RASSF4: variants seen among roughly 807,000 people sequenced by gnomAD.
RASSF4 encodes Ras association domain family member 4.
Under a neutral mutation model 41.1 loss-of-function variants are expected in RASSF4, and 38 were observed. That is an observed-to-expected ratio of 0.92 (90% confidence interval 0.71 to 1.21). RASSF4 has a LOEUF of 1.21. Among genes scored for constraint, RASSF4 ranks in the 50% most tolerant of loss-of-function variants. The pLI is 0.00. For missense variants in RASSF4, 414 were observed against 419.4 expected, an observed-to-expected ratio of 0.99 and a Z score of 0.11; for synonymous variants, 179 against 163.4, an observed-to-expected ratio of 1.10 and a Z score of -0.73.
At chr10:44,983,382 G>A in intron 4 of RASSF4, 1 of 190,496 alleles carries the variant, frequency 5.2e-6, no homozygotes, top group Non-Finnish European at 1.1e-5. Flanking sequence ...CACAGAATTA[G>A]AGCATAAAGT....
chr10:44,971,262 G>T, intron 2 of RASSF4: 1 of 352,172 alleles, frequency 2.8e-6, no homozygotes, highest in Non-Finnish European at 5.6e-6. Flanking sequence ...GCAGACTTCA[G>T]GGCCTTACTC....
Position 44,970,055 on chromosome 10 carries a change from G to A in RASSF4, c.-38-110G>A, listed in dbSNP as rs113039412. The A allele has an allele frequency of 3.1e-3, 2,154 of 698,148 alleles. 29 individuals are homozygous for A. The African/African-American group carries it at 0.031, about 10-fold the overall frequency. The allele number at this position is 698,148 out of a possible 1,614,324, so 43.2% of individuals were successfully genotyped here. A position where few individuals can be genotyped will look rare whatever the true frequency, so the allele number is the denominator to read the frequency against. On this transcript the variant is annotated intron_variant, in intron 1 of 10. Transcript: ENST00000340258. ...GCCGCAGCCACCTTGTGCCAAGGCGGTGTGATGCCAAGGCCGACGGTGTCT... is the reference window on the plus strand; with the variant it reads ...GCCGCAGCCACCTTGTGCCAAGGCGATGTGATGCCAAGGCCGACGGTGTCT...
At chr10:44,974,678 G>C (rs887617933) in intron 3 of RASSF4, among the ~76,000 whole-genome samples, 1 of 152,096 alleles carries the variant, frequency 6.6e-6, no homozygotes, top group African/African-American at 2.4e-5. Context: ...TAGCAGTACG[G>C]TTTGGGGTGC....
chr10:44,991,506 T>C (rs1260295437), intron 9 of RASSF4, among the ~76,000 whole-genome samples: 1 of 152,198 alleles, frequency 6.6e-6, no homozygotes, highest in African/African-American at 2.4e-5. Context: ...GCATAGAAGA[T>C]GCTTACAGGG....
At chr10:44,960,739 G>T (rs554357524) in intron 1 of RASSF4, among the ~76,000 whole-genome samples, 8 of 152,188 alleles carry the variant, frequency 5.3e-5, no homozygotes, top group African/African-American at 1.9e-4. Context: ...AAATAAGGTC[G>T]CACAGCAAAT....
intron 3 of RASSF4, among the ~76,000 whole-genome samples, chr10:44,972,243 AC>A (rs1291784835): frequency 1.3e-5 from 2 of 152,026 alleles, no homozygotes; most frequent in Non-Finnish European, 2.9e-5. Flanking sequence ...TGGTCCCGCC[AC>A]ATATCTGCAG....
At chr10:44,984,538 G>A in intron 5 of RASSF4, 1 of 539,612 alleles carries the variant, frequency 1.9e-6, no homozygotes, top group East Asian at 3.0e-5. Flanking sequence ...CAGAAGACAG[G>A]GCTGGGGCCA....
chr10:44,991,273 A>T, intron 9 of RASSF4: 1 of 446,266 alleles, frequency 2.2e-6, no homozygotes, highest in Non-Finnish European at 4.0e-6. Flanking sequence ...AGCTTAGGGG[A>T]AAGAAGAATT....
In RASSF4 at chr10:44,967,189, C is replaced by T. The variant is rs181339480; in HGVS notation, c.-38-2976C>T. 1.4e-3 allele frequency among the ~76,000 whole-genome samples: 211 copies of T among 152,250 alleles called. 1 individual carries two copies. The highest frequency in any genetic ancestry group is 2.4e-3 in the Non-Finnish European group (166 of 68,028). ...TTCTGGTCCACAGTCACTCAGGGACCCAGGCTGACCATCGAGTAGCTGCAC... is the reference window on the plus strand; with the variant it reads ...TTCTGGTCCACAGTCACTCAGGGACTCAGGCTGACCATCGAGTAGCTGCAC... On this transcript the variant is annotated intron_variant, in intron 1 of 10. Coordinates refer to ENST00000340258, the MANE Select transcript of RASSF4 (RefSeq NM_032023.4).
At chr10:44,992,101 G>GTGCCCATGGA in intron 10 of RASSF4, 99 bp downstream of exon 10, 2 of 737,328 alleles carry the variant, frequency 2.7e-6, no homozygotes, top group Non-Finnish European at 4.7e-6. Flanking sequence ...CTCCTCCATG[G>GTGCCCATGGA]GCACCAGTAC....
chr10:44,972,388 C>G (rs1423409132), intron 3 of RASSF4, among the ~76,000 whole-genome samples: 2 of 152,234 alleles, frequency 1.3e-5, no homozygotes, highest in Non-Finnish European at 2.9e-5. Context: ...CTCAAGGAGT[C>G]AGCCGCCCAT....
intron 3 of RASSF4, among the ~76,000 whole-genome samples, chr10:44,972,500 T>G (rs883735): frequency 0.51 from 77,098 of 152,166 alleles, 21,918 homozygotes; most frequent in Non-Finnish European, 0.64. Context: ...TCATGAGGAA[T>G]TTCCCAAATC....
At chr10:44,989,523 GAT>G (rs1842034778) in intron 7 of RASSF4, 145 bp from the exon 8 acceptor site, 1 of 971,284 alleles carries the variant, frequency 1.0e-6, no homozygotes, top group Non-Finnish European at 1.6e-6. Context: ...TGGTTTCTCG[GAT>G]TTCAAGCAAG....
At chr10:44,964,533 C>T (rs1335521030) in intron 1 of RASSF4, among the ~76,000 whole-genome samples, 1 of 152,228 alleles carries the variant, frequency 6.6e-6, no homozygotes, top group Non-Finnish European at 1.5e-5. Context: ...CCAGCCCCAG[C>T]CCATCCTCTC....
At chr10:44,981,153 A>G (rs908037334) in intron 3 of RASSF4, 1 of 152,208 alleles carries the variant, frequency 6.6e-6, no homozygotes, top group Non-Finnish European at 1.5e-5. Flanking sequence ...AGAAGTTTCC[A>G]TGGCGTCCCT....
At chr10:44,977,820 G>A (rs1195395135) in intron 3 of RASSF4, 1 of 1,604,994 alleles carries the variant, frequency 6.2e-7, no homozygotes. Context: ...CGGCAGGCCT[G>A]GGCTGGCCTG....
At chr10:44,961,211 A>G (rs563136873) in intron 1 of RASSF4, among the ~76,000 whole-genome samples, 4 of 152,322 alleles carry the variant, frequency 2.6e-5, no homozygotes, top group African/African-American at 9.6e-5. Context: ...TTTGACAACA[A>G]AAAGGTTGAT....
At chr10:44,960,339 C>G (rs1478395434) in intron 1 of RASSF4, among the ~76,000 whole-genome samples, 1 of 152,224 alleles carries the variant, frequency 6.6e-6, no homozygotes, top group Non-Finnish European at 1.5e-5. Flanking sequence ...GCCTCTTACT[C>G]CTCACAGCAA....
chr10:44,965,096 T>C (rs567418853), intron 1 of RASSF4, among the ~76,000 whole-genome samples: 5 of 152,332 alleles, frequency 3.3e-5, no homozygotes, highest in South Asian at 2.1e-4. Context: ...GATTGATTAA[T>C]AGGAGAAAAG....
Sources: allele counts gnomAD v4.1 joint callset (sites outside exome capture counted in the v4.1 genomes callset), GRCh38; gene constraint gnomAD v4.1.1; transcripts MANE v1.5; gene names NCBI Gene and HGNC (gene_info 2026-07-23, HGNC 2026-07-21).